Variants in CNTNAP5 observed in about 807,000 individuals in gnomAD.
The protein encoded by CNTNAP5 is contactin-associated protein-like 5.
Under a neutral mutation model 150.2 loss-of-function variants are expected in CNTNAP5, and 72 were observed. The observed-to-expected ratio is 0.48, with a 90% CI of 0.40 to 0.58. The LOEUF (loss-of-function observed/expected upper bound fraction) is 0.58, where lower values mean the gene tolerates loss of function less well. CNTNAP5 is among the 20% of genes least tolerant of loss of function. CNTNAP5 has a pLI of 0.00. For missense variants in CNTNAP5, 1,636 were observed against 1,626.2 expected, an observed-to-expected ratio of 1.01 and a Z score of -0.10; for synonymous variants, 672 against 619.8, an observed-to-expected ratio of 1.08 and a Z score of -1.25.
At chr2:124,338,788 C>T (rs145513065) in intron 3 of CNTNAP5, among the ~76,000 whole-genome samples, 4,232 of 152,090 alleles carry the variant, frequency 0.028, 218 homozygotes, top group African/African-American at 0.096. Flanking sequence ...TTCCTGTTCC[C>T]TTTATTTCAA....
intron 3 of CNTNAP5, among the ~76,000 whole-genome samples, chr2:124,396,927 G>T (rs1186115819): frequency 6.6e-6 from 1 of 152,158 alleles, no homozygotes; most frequent in Non-Finnish European, 1.5e-5. Flanking sequence ...GACAATCTGT[G>T]CAGAAAAAGG....
At chr2:124,150,254 G>A (rs936113532) in intron 1 of CNTNAP5, among the ~76,000 whole-genome samples, 16 of 150,136 alleles carry the variant, frequency 1.1e-4, no homozygotes, top group Non-Finnish European at 1.9e-4. Context: ...TTAAGTAACT[G>A]AGAATTGAAA....
chr2:124,338,545 G>T (rs975557839), intron 3 of CNTNAP5, among the ~76,000 whole-genome samples: 5 of 152,080 alleles, frequency 3.3e-5, no homozygotes, highest in African/African-American at 1.2e-4. Flanking sequence ...TAGATAAAAA[G>T]TCTGAATGTG....
intron 1 of CNTNAP5, among the ~76,000 whole-genome samples, chr2:124,148,529 T>TTATATATATACATATTATA (rs1684315622): frequency 1.4e-5 from 2 of 146,632 alleles, no homozygotes; most frequent in Admixed American, 1.4e-4. Flanking sequence ...TATATACATA[T>TTATATATATACATATTATA]TATATATATA....
intron 1 of CNTNAP5, among the ~76,000 whole-genome samples, chr2:124,170,225 C>T (rs570614973): frequency 1.3e-4 from 20 of 150,464 alleles, no homozygotes; most frequent in African/African-American, 4.6e-4. Flanking sequence ...CACTTTCAGA[C>T]ATTATGTCTT....
intron 5 of CNTNAP5, among the ~76,000 whole-genome samples, chr2:124,445,081 C>CT (rs1006938474): frequency 0.021 from 2,707 of 131,832 alleles, 38 homozygotes; most frequent in Middle Eastern, 0.067. Flanking sequence ...ACACAAATAT[C>CT]TTTTTTTTTT....
chr2:124,450,071 G>A (rs1021466163), intron 6 of CNTNAP5, among the ~76,000 whole-genome samples: 9 of 152,180 alleles, frequency 5.9e-5, no homozygotes, highest in Admixed American at 1.3e-4. Context: ...TTATCACAAC[G>A]TTGCATATCA....
At chr2:124,427,089 A>G in intron 4 of CNTNAP5, among the ~76,000 whole-genome samples, 1 of 152,212 alleles carries the variant, frequency 6.6e-6, no homozygotes, top group East Asian at 1.9e-4. Context: ...AAAGGGGAAG[A>G]AATTGTTCAC....
chr2:124,070,472 T>A lies in CNTNAP5; in HGVS notation c.82+44740T>A, dbSNP rs545716791. On this transcript the variant is annotated intron_variant, in intron 1 of 23. Coordinates refer to ENST00000682447, the MANE Select transcript of CNTNAP5 (RefSeq NM_001367498.1). ...AAGAAACACACCTCACATATAAAGA[T>A]ACAGACTGAAAATGAAGGAATGAAA... Among the ~76,000 whole-genome samples the A allele has an allele frequency of 2.3e-5, 3 of 132,352 alleles. 1 individual carries two copies. The highest frequency in any genetic ancestry group is 4.7e-4 in the South Asian group (2 of 4,240). The allele number at this position is 132,352 out of a possible 152,430, so 86.8% of individuals were successfully genotyped here.
chr2:124,108,176 G>A (rs1238204527), intron 1 of CNTNAP5, among the ~76,000 whole-genome samples: 1 of 152,066 alleles, frequency 6.6e-6, no homozygotes, highest in Non-Finnish European at 1.5e-5. Flanking sequence ...AAGTATTTTA[G>A]GGTAAAAATC....
intron 3 of CNTNAP5, among the ~76,000 whole-genome samples, chr2:124,294,082 G>A (rs1422265846): frequency 6.8e-6 from 1 of 147,032 alleles, no homozygotes. Context: ...TGGGTGTCTT[G>A]TATTAAATTG....
chr2:124,320,068 A>G (rs988670068), intron 3 of CNTNAP5, among the ~76,000 whole-genome samples: 1 of 152,198 alleles, frequency 6.6e-6, no homozygotes, highest in East Asian at 1.9e-4. Context: ...TTTTTAGCCA[A>G]CGCTCCCTGT....
intron 1 of CNTNAP5, among the ~76,000 whole-genome samples, chr2:124,174,915 C>T (rs769502072): frequency 1.4e-4 from 22 of 152,314 alleles, no homozygotes; most frequent in Middle Eastern, 6.8e-3. Context: ...GATCAGTCAG[C>T]AGCCAACAAC....
Position 124,864,571 on chromosome 2 carries a change from TCTCA to T in CNTNAP5, c.3218-733_3218-730del, listed in dbSNP as rs969801282. Among the ~76,000 whole-genome samples the T allele has an allele frequency of 1.6e-4, 8 of 50,778 alleles. No individual in the cohort carries two copies. The Admixed American group carries it at 1.8e-3, about 11-fold the overall frequency. 33.3% of individuals were successfully genotyped at this position (50,778 alleles called of 152,430 possible). On this transcript the variant is annotated intron_variant, in intron 19 of 23. Coordinates refer to ENST00000682447, the MANE Select transcript of CNTNAP5 (RefSeq NM_001367498.1). ...GTCTCTCTCTCTCTGTCTCTCTGTG[TCTCA>T]CACACACACACACACACACACACAG... is the stretch of plus-strand genomic sequence containing the variant.
intron 3 of CNTNAP5, among the ~76,000 whole-genome samples, chr2:124,308,692 G>T (rs1044142019): frequency 1.3e-5 from 2 of 152,130 alleles, no homozygotes; most frequent in African/African-American, 2.4e-5. Context: ...GAAGTATCAG[G>T]TGTTTTAATG....
chr2:124,527,401 G>A lies in CNTNAP5; in HGVS notation c.1594G>A (p.Gly532Ser). 6.2e-7 allele frequency: 1 copy of A among 1,613,748 alleles called. No homozygotes were observed. Among genetic ancestry groups the A allele is most frequent in the Non-Finnish European group, 8.5e-7 (1 of 1,179,700 alleles). The change falls in exon 10 of 24, where the codon GGT (glycine) becomes AGT (serine). Residue 532 changes from glycine to serine, a missense_variant. Coordinates refer to ENST00000682447, the MANE Select transcript of CNTNAP5 (RefSeq NM_001367498.1). ...CAAGGACCTCATTTCAGTTCAGCAA[G>A]GTTCCCTGGGGAATTTTAGTGATTT... ...QPKDLISVQQ[G>S]SLGNFSDLHI... is the part of the protein sequence containing the mutation.
intron 21 of CNTNAP5, among the ~76,000 whole-genome samples, chr2:124,879,114 G>T (rs557395111): frequency 1.3e-5 from 2 of 152,142 alleles, no homozygotes; most frequent in South Asian, 4.1e-4. Context: ...TTGTGAGTCA[G>T]TCAAGCTTAA....
chr2:124,714,024 G>A (rs1679894129), intron 13 of CNTNAP5, among the ~76,000 whole-genome samples: 1 of 152,116 alleles, frequency 6.6e-6, no homozygotes, highest in South Asian at 2.1e-4. Flanking sequence ...GGCCAAGAAT[G>A]TCTTTAGGCT....
chr2:124,604,890 T>G (rs1170198424), intron 11 of CNTNAP5, among the ~76,000 whole-genome samples: 1 of 152,164 alleles, frequency 6.6e-6, no homozygotes, highest in Admixed American at 6.5e-5. Flanking sequence ...TCACATCCCA[T>G]GCTGTGTGAC....
Sources: gnomAD v4.1 joint callset for allele counts (sites outside exome capture counted in the v4.1 genomes callset) on GRCh38, gnomAD v4.1.1 for gene constraint, MANE v1.5 for transcripts, NCBI Gene and HGNC (gene_info 2026-07-23, HGNC 2026-07-21) for gene names.